The following PRH1 variants were observed in gnomAD, a reference collection of about 807,000 sequenced individuals.
The protein encoded by PRH1 is salivary acidic proline-rich phosphoprotein 1/2.
Under a neutral mutation model 7.9 loss-of-function variants are expected in PRH1, and 7 were observed. That is an observed-to-expected ratio of 0.89 (90% CI 0.50 to 1.67). The LOEUF (loss-of-function observed/expected upper bound fraction) is 1.67. PRH1 is among the 40% of genes most tolerant of loss of function. The probability of loss-of-function intolerance (pLI) is 0.00; values close to 1 mark genes in which losing one functional copy is unlikely to be tolerated. For synonymous variants in PRH1, 45 were observed against 80.8 expected (o/e 0.56, Z 2.38); for missense variants, 109 against 223.6 (o/e 0.49, Z 3.27).
intron 1 of PRH1, among the ~76,000 whole-genome samples, chr12:11,063,238 G>C (rs756526418): frequency 1.3e-5 from 2 of 152,020 alleles, no homozygotes; most frequent in Non-Finnish European, 2.9e-5. Context: ...GCAGTATCCT[G>C]CCATCACTGA....
upstream of PRH1, chr12:10,884,295 A>C: frequency 6.3e-7 from 1 of 1,597,350 alleles, no homozygotes; most frequent in Non-Finnish European, 8.6e-7. Flanking sequence ...GACAAGCAGG[A>C]CAATGGTGCA....
chr12:11,156,869 G>C (rs190625689), intron 1 of PRH1, among the ~76,000 whole-genome samples: 5 of 134,230 alleles, frequency 3.7e-5, no homozygotes, highest in African/African-American at 1.2e-4. Context: ...TTTTTTAGAC[G>C]CAGGCTTGCT....
intron 1 of PRH1, among the ~76,000 whole-genome samples, chr12:11,123,937 T>C (rs1163608871): frequency 1.3e-5 from 2 of 152,240 alleles, no homozygotes; most frequent in East Asian, 3.8e-4. Context: ...GCCATGTTCT[T>C]TTTAAAAGTG....
chr12:10,990,927 G>C (rs540492227), intron 1 of PRH1, among the ~76,000 whole-genome samples: 4 of 152,212 alleles, frequency 2.6e-5, no homozygotes, highest in Non-Finnish European at 5.9e-5. Context: ...GTCATTAACA[G>C]AAGAGGGAAA....
intron 1 of PRH1, among the ~76,000 whole-genome samples, chr12:11,011,290 T>C (rs375599687): frequency 2.0e-5 from 3 of 152,062 alleles, no homozygotes; most frequent in African/African-American, 7.2e-5. Flanking sequence ...CTTTTTCCTT[T>C]TACATTCTCT....
At chr12:11,024,045 A>G (rs954098348) in intron 1 of PRH1, among the ~76,000 whole-genome samples, 3 of 152,252 alleles carry the variant, frequency 2.0e-5, no homozygotes, top group African/African-American at 7.2e-5. Flanking sequence ...AGAAAAACCT[A>G]TTCAGAAATC....
chr12:11,038,022 A>G (rs1261628554), intron 1 of PRH1, among the ~76,000 whole-genome samples: 1 of 152,276 alleles, frequency 6.6e-6, no homozygotes, highest in Non-Finnish European at 1.5e-5. Context: ...AGCCTGGGCA[A>G]CAGAGTGAGA....
At chr12:10,938,636 A>G in intron 2 of PRH1, 2 of 1,614,010 alleles carry the variant, frequency 1.2e-6, no homozygotes, top group Non-Finnish European at 1.7e-6. Flanking sequence ...GGACAAAGTA[A>G]AGGGTATGAA....
At chr12:11,044,579 T>G (rs1942839377) in intron 1 of PRH1, among the ~76,000 whole-genome samples, 1 of 151,896 alleles carries the variant, frequency 6.6e-6, no homozygotes, top group Non-Finnish European at 1.5e-5. Context: ...TAAAAGGAGC[T>G]TTAACAACTG....
intron 1 of PRH1, among the ~76,000 whole-genome samples, chr12:10,999,699 A>T (rs1411420612): frequency 6.6e-6 from 1 of 152,120 alleles, no homozygotes; most frequent in South Asian, 2.1e-4. Context: ...TGAGATAAGC[A>T]ATATTCATAA....
chr12:11,044,891 A>G (rs1167898343), intron 1 of PRH1, among the ~76,000 whole-genome samples: 2 of 152,160 alleles, frequency 1.3e-5, no homozygotes, highest in Non-Finnish European at 2.9e-5. Context: ...ATGGAAAACC[A>G]TTGAAAGTTT....
chr12:10,996,879 T>A, intron 1 of PRH1: 1 of 1,443,656 alleles, frequency 6.9e-7, no homozygotes, highest in Non-Finnish European at 9.3e-7. Context: ...TTGTGGGAAA[T>A]ATAAAATGTT....
chr12:11,128,699 C>A (rs953738589), intron 1 of PRH1, among the ~76,000 whole-genome samples: 12 of 152,078 alleles, frequency 7.9e-5, no homozygotes, highest in Admixed American at 6.5e-5. Context: ...TAGTCGAGAT[C>A]ACGCCACTGC....
At chr12:11,061,874 C>T (rs930260017) in intron 1 of PRH1, 1 of 1,613,988 alleles carries the variant, frequency 6.2e-7, no homozygotes, top group Non-Finnish European at 8.5e-7. Flanking sequence ...AGATGACAAA[C>T]CAAAAATAGC....
At chr12:10,995,838 G>A (rs1940199311) in intron 1 of PRH1, among the ~76,000 whole-genome samples, 1 of 152,028 alleles carries the variant, frequency 6.6e-6, no homozygotes, top group South Asian at 2.1e-4. Flanking sequence ...ACTGAAAAGA[G>A]CTCATGATCA....
At chr12:10,905,791 T>A (rs1949794519) in intron 2 of PRH1, among the ~76,000 whole-genome samples, 1 of 152,168 alleles carries the variant, frequency 6.6e-6, no homozygotes, top group South Asian at 2.1e-4. Context: ...AAGGCCATTG[T>A]CCTGAGTGAA....
intron 2 of PRH1, chr12:10,909,290 A>T: frequency 6.2e-7 from 1 of 1,611,264 alleles, no homozygotes; most frequent in Non-Finnish European, 8.5e-7. Flanking sequence ...TCGGCAGGGC[A>T]CTTTCCATGT....
chr12:10,893,159 C>T (rs1324682893), intron 2 of PRH1, among the ~76,000 whole-genome samples: 2 of 152,182 alleles, frequency 1.3e-5, no homozygotes, highest in Non-Finnish European at 2.9e-5. Flanking sequence ...GAGGGACTGT[C>T]ATGTGCATTG....
intron 1 of PRH1, chr12:10,997,879 TA>T: frequency 2.6e-6 from 4 of 1,564,448 alleles, no homozygotes; most frequent in Non-Finnish European, 3.5e-6. Flanking sequence ...TCATCATGTC[TA>T]AACAAAAAAG....
Sources: gnomAD v4.1 joint callset for allele counts (sites outside exome capture counted in the v4.1 genomes callset) on GRCh38, gnomAD v4.1.1 for gene constraint, MANE v1.5 for transcripts, NCBI Gene and HGNC (gene_info 2026-07-23, HGNC 2026-07-21) for gene names.